SEC22C: variants seen among roughly 807,000 people sequenced by gnomAD.
SEC22C encodes SEC22 homolog C, vesicle trafficking protein, also known as vesicle-trafficking protein SEC22c.
SEC22C carries 29 observed loss-of-function variants against 34.7 expected under a neutral mutation model. The ratio of observed to expected loss-of-function variants is 0.84; its 90% CI spans 0.62 to 1.14. The LOEUF (loss-of-function observed/expected upper bound fraction) is 1.14. Among genes scored for constraint, SEC22C ranks in the 50% most tolerant of loss-of-function variants. The pLI, the probability that SEC22C is intolerant of heterozygous loss-of-function variation, is 0.00. For missense variants in SEC22C, 337 were observed against 369.0 expected (o/e 0.91, Z 0.71); for synonymous variants, 117 against 132.8 (o/e 0.88, Z 0.82).
intron 1 of SEC22C, among the ~76,000 whole-genome samples, chr3:42,599,297 A>AG (rs1257539996): frequency 1.3e-5 from 2 of 151,796 alleles, no homozygotes; most frequent in Non-Finnish European, 2.9e-5. Context: ...TAAAAAAAAA[A>AG]CTTATAAAAT....
intron 1 of SEC22C, among the ~76,000 whole-genome samples, chr3:42,593,034 TA>T (rs372776586): frequency 1.6e-4 from 25 of 151,806 alleles, no homozygotes; most frequent in South Asian, 6.2e-4. Context: ...AACACAACAA[TA>T]AAAAAAATAC....
At chr3:42,562,595 A>G (rs1702989310) in intron 3 of SEC22C, among the ~76,000 whole-genome samples, 1 of 152,246 alleles carries the variant, frequency 6.6e-6, no homozygotes, top group Admixed American at 6.5e-5. Flanking sequence ...CAACACTTCC[A>G]GGTGCTGGTT....
rs1175718521 is a variant in SEC22C at position 42,600,915 on chromosome 3, CGCCCTCGCCCCT to C, written c.-28+33_-28+44del. The C allele has an allele frequency of 2.8e-5, 28 of 983,044 alleles. No homozygotes were observed. The South Asian group carries it at 3.2e-4, about 11-fold the overall frequency. The allele number at this position is 983,044 out of a possible 1,614,324, so 60.9% of individuals were successfully genotyped here. The stretch of plus-strand genomic sequence containing the variant: ...CGTGGCGCGGACTTCGTCTCAGCCC[CGCCCTCGCCCCT>C]GCCCTCGCCCCCGCCCTCGCCCCTG... On this transcript the variant is annotated intron_variant, in intron 1 of 6. Transcript: ENST00000417572.
At chr3:42,600,301 A>T (rs1205830554) in intron 1 of SEC22C, 1 of 152,158 alleles carries the variant, frequency 6.6e-6, no homozygotes, top group East Asian at 1.9e-4. Context: ...GAGCAACACA[A>T]CGTCTTGGCT....
chr3:42,572,989 T>C (rs1008092114), intron 1 of SEC22C, among the ~76,000 whole-genome samples: 5 of 151,898 alleles, frequency 3.3e-5, no homozygotes, highest in Non-Finnish European at 7.4e-5. Flanking sequence ...CTTAGCATTC[T>C]GAATAGCTGG....
intron 1 of SEC22C, among the ~76,000 whole-genome samples, chr3:42,587,831 G>A (rs950013501): frequency 1.4e-4 from 21 of 152,152 alleles, no homozygotes; most frequent in Non-Finnish European, 1.9e-4. Flanking sequence ...TAGCATTTTG[G>A]GAGGCTGAGG....
intron 1 of SEC22C, among the ~76,000 whole-genome samples, chr3:42,577,612 C>T (rs932473431): frequency 6.6e-6 from 1 of 152,172 alleles, no homozygotes; most frequent in African/African-American, 2.4e-5. Context: ...CAGTATCAAA[C>T]ACTGGCAAGC....
chr3:42,562,029 T>G (rs557870793), intron 3 of SEC22C, among the ~76,000 whole-genome samples: 11 of 152,216 alleles, frequency 7.2e-5, no homozygotes, highest in African/African-American at 2.4e-4. Flanking sequence ...AAAATACAAA[T>G]GAATACGTTG....
chr3:42,565,978 C>T (rs78781597), intron 2 of SEC22C: 16,932 of 443,572 alleles, frequency 0.038, 577 homozygotes, highest in East Asian at 0.12. Flanking sequence ...TTCCTTTTTC[C>T]AAAATACTAC....
intron 1 of SEC22C, among the ~76,000 whole-genome samples, chr3:42,572,475 T>C (rs904571329): frequency 6.6e-6 from 1 of 152,068 alleles, no homozygotes; most frequent in African/African-American, 2.4e-5. Flanking sequence ...GAAGGCCAAG[T>C]AGGGGGCTAG....
chr3:42,585,892 A>T (rs1444779346), upstream of SEC22C, among the ~76,000 whole-genome samples: 1 of 151,558 alleles, frequency 6.6e-6, no homozygotes, highest in East Asian at 1.9e-4. Context: ...TCTCCCCCAA[A>T]ATCAACTTCC....
chr3:42,591,698 G>C (rs1350282950), intron 1 of SEC22C: 8 of 873,434 alleles, frequency 9.2e-6, no homozygotes, highest in Non-Finnish European at 1.5e-5. Context: ...GTGATTGATC[G>C]CAGTTAAGCC....
intron 4 of SEC22C, among the ~76,000 whole-genome samples, 166 bp downstream of exon 4, chr3:42,560,951 T>A (rs533657939): frequency 2.6e-5 from 4 of 151,776 alleles, no homozygotes; most frequent in South Asian, 4.2e-4. Context: ...GTAGTCAAAG[T>A]TTTTATAACA....
intron 1 of SEC22C, chr3:42,591,076 G>T: frequency 8.0e-7 from 1 of 1,254,002 alleles, no homozygotes; most frequent in South Asian, 1.3e-5. Context: ...GACTGTGAAG[G>T]GTGCTGAGCA....
chr3:42,573,220 C>T (rs1703751814), intron 1 of SEC22C, among the ~76,000 whole-genome samples: 1 of 152,166 alleles, frequency 6.6e-6, no homozygotes, highest in South Asian at 2.1e-4. Flanking sequence ...AATGGAGATT[C>T]TAGAATTAAA....
intron 4 of SEC22C, among the ~76,000 whole-genome samples, chr3:42,560,137 T>TATAA (rs1559514995): frequency 7.0e-6 from 1 of 143,608 alleles, no homozygotes; most frequent in Non-Finnish European, 1.5e-5. Flanking sequence ...TATATATATA[T>TATAA]AAATAATAAT....
At chr3:42,574,692 T>C (rs969709684) in intron 1 of SEC22C, among the ~76,000 whole-genome samples, 2 of 152,200 alleles carry the variant, frequency 1.3e-5, no homozygotes, top group African/African-American at 4.8e-5. Context: ...GTTTCTACAT[T>C]TCATTTGAAA....
At chr3:42,562,663 A>G (rs1702995319) in intron 3 of SEC22C, among the ~76,000 whole-genome samples, 1 of 152,222 alleles carries the variant, frequency 6.6e-6, no homozygotes, top group South Asian at 2.1e-4. Context: ...AACATCACAG[A>G]GTCAGCAGCT....
chr3:42,585,848 C>T (rs932072091), upstream of SEC22C, among the ~76,000 whole-genome samples: 4 of 152,156 alleles, frequency 2.6e-5, no homozygotes, highest in African/African-American at 7.2e-5. Flanking sequence ...CACCTTTCAG[C>T]GCTCCTATTT....
Sources: allele counts gnomAD v4.1 joint callset (sites outside exome capture counted in the v4.1 genomes callset), GRCh38; gene constraint gnomAD v4.1.1; transcripts MANE v1.5; gene names NCBI Gene and HGNC (gene_info 2026-07-23, HGNC 2026-07-21).